Variants in EBF3 observed in about 807,000 individuals in gnomAD.
EBF3 encodes transcription factor COE3.
In EBF3, 18 loss-of-function variants were observed where a neutral mutation model predicts 77.1. That is an observed-to-expected ratio of 0.23 (90% CI 0.16 to 0.35). The LOEUF (loss-of-function observed/expected upper bound fraction) is 0.35, where lower values mean the gene tolerates loss of function less well. Among genes scored for constraint, EBF3 ranks in the 10% least tolerant of loss-of-function variants. EBF3 has a pLI of 1.00. For missense variants in EBF3, 558 were observed against 860.0 expected (o/e 0.65, Z 4.39); for synonymous variants, 350 against 343.5 (o/e 1.02, Z -0.21).
In EBF3 at chr10:129,963,330, A is replaced by C; in HGVS notation, c.291+37T>G. 1 of 1,555,386 alleles carries C rather than the reference A, an allele frequency of 6.4e-7. No individual in the cohort carries two copies. The highest frequency in any genetic ancestry group is 8.7e-7 in the Non-Finnish European group (1 of 1,153,178). ...CCGGCACCGCCTGCCTCCCGCTTCT[A>C]GAAAGAGAGAGGGTGTGATCGTGTG... On this transcript the variant is annotated intron_variant, in intron 2 of 16. Transcript: ENST00000440978. This position sits in a 1 kb window ranked among gnomAD's most constrained non-coding sequence, Gnocchi z 7.1.
chr10:129,963,336 A>C lies in EBF3; in HGVS notation c.291+31T>G. On this transcript the variant is annotated intron_variant, in intron 2 of 16. Transcript: ENST00000440978. This position sits in a 1 kb window ranked among gnomAD's most constrained non-coding sequence, Gnocchi z 7.1. ...CCGCCTGCCTCCCGCTTCTAGAAAG[A>C]GAGAGGGTGTGATCGTGTGTTTGCA... 1.3e-6 allele frequency: 2 copies of C among 1,560,312 alleles called. No individual in the cohort carries two copies. The highest frequency in any genetic ancestry group is 1.4e-5 in the African/African-American group (1 of 70,554).
chr10:129,835,543 G>A lies in EBF3; in HGVS notation c.*2400C>T, dbSNP rs991563023. The A allele has an allele frequency of 1.3e-5, 2 of 152,300 alleles. No individual in the cohort carries two copies. The highest frequency in any genetic ancestry group is 1.9e-4 in the East Asian group (1 of 5,180). The allele number at this position is 152,300 out of a possible 1,614,324, so 9.4% of individuals were successfully genotyped here. On this transcript the variant is annotated 3_prime_UTR_variant, in exon 17 of 17. Transcript: ENST00000440978. ...GTGCGTCCATGTGAGCTCTTTTGTA[G>A]ATCAAACCCTTACTCGTACAAAATA...
At chr10:129,922,547 T>C (rs1339793870) in intron 6 of EBF3, among the ~76,000 whole-genome samples, 2 of 152,222 alleles carry the variant, frequency 1.3e-5, no homozygotes, top group Admixed American at 1.3e-4. Flanking sequence ...AAACATTTCA[T>C]GGGGTGAAAC....
Position 129,842,008 on chromosome 10 carries a change from G to A in EBF3, c.1372+108C>T, listed in dbSNP as rs990155203. The A allele has an allele frequency of 4.2e-6, 6 of 1,422,898 alleles. No homozygotes were observed. Among genetic ancestry groups the A allele is most frequent in the Admixed American group, 1.9e-5 (1 of 52,970 alleles). 88.1% of individuals were successfully genotyped at this position (1,422,898 alleles called of 1,614,324 possible). Reference sequence around the variant, plus strand: ...CCAGCAGAGCCAGAGAGAACAGAACGCTACGGACATTCCCCAGCTGGCCCT... The same window carrying A: ...CCAGCAGAGCCAGAGAGAACAGAACACTACGGACATTCCCCAGCTGGCCCT... On this transcript the variant is annotated intron_variant, in intron 13 of 16. Coordinates refer to ENST00000440978, the MANE Select transcript of EBF3 (RefSeq NM_001375380.1). The surrounding 1 kb of genome is among the most constrained non-coding windows in gnomAD (Gnocchi z 4.4).
Position 129,963,104 on chromosome 10 carries a change from A to T in EBF3, c.292-99T>A. 6.9e-7 allele frequency: 1 copy of T among 1,447,950 alleles called. No homozygotes were observed. The highest frequency in any genetic ancestry group is 9.7e-7 in the Non-Finnish European group (1 of 1,030,896). 89.7% of individuals were successfully genotyped at this position (1,447,950 alleles called of 1,614,324 possible). A position where few individuals can be genotyped will look rare whatever the true frequency, so the allele number is the denominator to read the frequency against. ...GCGACCGAGGCTCTCGGCCTCACAC[A>T]TGGCAGGATTCCTAGCTCGAAGCAG... On this transcript the variant is annotated intron_variant, in intron 2 of 16. Transcript: ENST00000440978. This position sits in a 1 kb window ranked among gnomAD's most constrained non-coding sequence, Gnocchi z 7.1.
intron 6 of EBF3, among the ~76,000 whole-genome samples, chr10:129,936,494 G>A (rs1036463556): frequency 2.6e-5 from 4 of 152,226 alleles, no homozygotes; most frequent in Admixed American, 6.5e-5. Context: ...CGGCCTGTGT[G>A]AGGACCCAAG....
At chr10:129,927,856 C>A (rs774942142) in intron 6 of EBF3, among the ~76,000 whole-genome samples, 1 of 152,172 alleles carries the variant, frequency 6.6e-6, no homozygotes, top group Admixed American at 6.5e-5. Flanking sequence ...CCCTCCTCTG[C>A]CCTGCTCAGT....
At position 129,840,256 on chromosome 10, in the gene EBF3, T is replaced by C; in HGVS notation, c.1748A>G (p.Asn583Ser). Residue 583 changes from asparagine to serine, a missense_variant, in exon 15 of 17, where the codon AAT (asparagine) becomes AGT (serine). Transcript: ENST00000440978. ...CGCACCACCCTCACCTTGCAGTCCA[T>C]TCCCGTTGGCGCTGGTGCAGGAAGG... ...PPPSCTSANGNGLQGSLLGAE... is the reference protein window; with the variant it reads ...PPPSCTSANGSGLQGSLLGAE... 1 of 1,397,014 alleles carries C rather than the reference T, an allele frequency of 7.2e-7. No individual in the cohort carries two copies. Among genetic ancestry groups the C allele is most frequent in the Non-Finnish European group, 9.6e-7 (1 of 1,046,510 alleles). The allele number at this position is 1,397,014 out of a possible 1,614,324, so 86.5% of individuals were successfully genotyped here.
At position 129,948,259 on chromosome 10, in the gene EBF3, CAAAAAAAAA is replaced by C. The variant is rs71481027; in HGVS notation, c.554+8990_554+8998del. Among the ~76,000 whole-genome samples, 13 of 45,754 alleles carry C rather than the reference CAAAAAAAAA, an allele frequency of 2.8e-4. No individual in the cohort carries two copies. In the Admixed American group the frequency reaches 3.5e-3, roughly 12 times the overall value. The allele number at this position is 45,754 out of a possible 152,430, so 30.0% of individuals were successfully genotyped here. On this transcript the variant is annotated intron_variant, in intron 6 of 16. Coordinates refer to ENST00000440978, the MANE Select transcript of EBF3 (RefSeq NM_001375380.1). ...GGCAACAAGAGCAAAAACTCCGTCT[CAAAAAAAAA>C]AAAAAAAAAAAAAAAAAGCAGCAGC...
intron 6 of EBF3, among the ~76,000 whole-genome samples, chr10:129,933,384 G>C (rs1463262838): frequency 6.6e-6 from 1 of 152,272 alleles, no homozygotes; most frequent in African/African-American, 2.4e-5. Context: ...GGGAGGACCA[G>C]TGCCGAATAG....
At chr10:129,866,276 C>T (rs534574265) in intron 10 of EBF3, among the ~76,000 whole-genome samples, 45 of 152,252 alleles carry the variant, frequency 3.0e-4, no homozygotes, top group African/African-American at 1.0e-3. Context: ...CATACACCAC[C>T]ATGCCCCACT....
chr10:129,947,679 T>C lies in EBF3; in HGVS notation c.554+9579A>G, dbSNP rs953556486. Among the ~76,000 whole-genome samples, 1 of 145,982 alleles carries C rather than the reference T, an allele frequency of 6.9e-6. No homozygotes were observed. The highest frequency in any genetic ancestry group is 2.5e-5 in the African/African-American group (1 of 39,456). On this transcript the variant is annotated intron_variant, in intron 6 of 16. Transcript: ENST00000440978. The surrounding 1 kb of genome is among the most constrained non-coding windows in gnomAD (Gnocchi z 4.5). ...TTTCTTTCTTTGCAAAGGAACCAAA[T>C]GCTTTGAAAAAAAAAAAAAAAGAAG...
chr10:129,857,474 C>A (rs533993129), intron 10 of EBF3, among the ~76,000 whole-genome samples: 1 of 152,218 alleles, frequency 6.6e-6, no homozygotes, highest in African/African-American at 2.4e-5. Flanking sequence ...TCCAGGGGTA[C>A]AGCCTCTACG....
intron 6 of EBF3, among the ~76,000 whole-genome samples, chr10:129,904,634 G>A (rs1855009371): frequency 6.6e-6 from 1 of 151,102 alleles, no homozygotes; most frequent in Non-Finnish European, 1.5e-5. Context: ...ACAAATGGAT[G>A]GATGGATGGA....
chr10:129,926,891 C>T (rs543578), intron 6 of EBF3, among the ~76,000 whole-genome samples: 57 of 152,260 alleles, frequency 3.7e-4, no homozygotes, highest in Admixed American at 5.9e-4. Context: ...TTCCCCGAAA[C>T]GGGGCTCCAG....
chr10:129,963,042 C>G lies in EBF3; in HGVS notation c.292-37G>C, dbSNP rs751029232. The G allele has an allele frequency of 1.2e-6, 2 of 1,612,984 alleles. No individual in the cohort carries two copies. The highest frequency in any genetic ancestry group is 2.7e-5 in the African/African-American group (2 of 74,902). ...GATAAATAATTGCATTTAGTGCGAT[C>G]GGTGTCAGGCGCGGCCACCACGCTC... On this transcript the variant is annotated intron_variant, in intron 2 of 16. Transcript: ENST00000440978. This position sits in a 1 kb window ranked among gnomAD's most constrained non-coding sequence, Gnocchi z 7.1.
At chr10:129,948,238 A>T (rs956749625) in intron 6 of EBF3, among the ~76,000 whole-genome samples, 2 of 148,758 alleles carry the variant, frequency 1.3e-5, no homozygotes, top group African/African-American at 5.1e-5. Context: ...AGCCTGGGCA[A>T]CAAGAGCAAA....
At chr10:129,956,190 T>C (rs1859022206) in intron 6 of EBF3, among the ~76,000 whole-genome samples, 1 of 152,266 alleles carries the variant, frequency 6.6e-6, no homozygotes, top group African/African-American at 2.4e-5. Context: ...CATATTTCTT[T>C]AGGCTTAACT....
chr10:129,859,281 G>A (rs1431317551), intron 10 of EBF3, among the ~76,000 whole-genome samples: 3 of 152,272 alleles, frequency 2.0e-5, no homozygotes, highest in South Asian at 2.1e-4. Flanking sequence ...GAGTGTGGTG[G>A]CACAATCTCG....
Sources: gnomAD v4.1 joint callset for allele counts (sites outside exome capture counted in the v4.1 genomes callset) on GRCh38, gnomAD v4.1.1 for gene constraint, Gnocchi (gnomAD v3.1) non-coding constraint, MANE v1.5 for transcripts, NCBI Gene and HGNC (gene_info 2026-07-23, HGNC 2026-07-21) for gene names.